The following TRAPPC11 variants were observed in gnomAD, a reference collection of about 807,000 sequenced individuals.
TRAPPC11 encodes the protein trafficking protein particle complex subunit 11, also known as foie gras homolog.
Under a neutral mutation model 151.2 loss-of-function variants are expected in TRAPPC11, and 104 were observed. The observed-to-expected ratio is 0.69, with a 90% CI of 0.59 to 0.81. The LOEUF is 0.81. Ranked by LOEUF, TRAPPC11 falls within the 30% of genes least tolerant of loss-of-function variation. TRAPPC11 has a pLI of 0.00. For missense variants in TRAPPC11, 1,230 were observed against 1,349.6 expected, an observed-to-expected ratio of 0.91 and a Z score of 1.39; for synonymous variants, 456 against 472.3, an observed-to-expected ratio of 0.97 and a Z score of 0.45.
At chr4:183,679,030 G>A (rs907584219) in intron 8 of TRAPPC11, among the ~76,000 whole-genome samples, 6 of 152,098 alleles carry the variant, frequency 3.9e-5, no homozygotes, top group African/African-American at 1.4e-4. Context: ...TCAATTACCT[G>A]TTGGACATAG....
chr4:183,689,647 T>TC (rs11430507), intron 18 of TRAPPC11, among the ~76,000 whole-genome samples: 33,952 of 146,528 alleles, frequency 0.23, 3,993 homozygotes, highest in African/African-American at 0.29. Flanking sequence ...TTTTTTTTTT[T>TC]AAAGAGATAC....
chr4:183,685,233 C>G, intron 16 of TRAPPC11, 38 bp from the exon 17 acceptor site: 1 of 1,609,432 alleles, frequency 6.2e-7, no homozygotes, highest in Non-Finnish European at 8.5e-7. Context: ...GGTTTTTATT[C>G]AACTAGTTGA....
At chr4:183,679,597 G>T in intron 9 of TRAPPC11, 111 bp downstream of exon 9, 1 of 813,780 alleles carries the variant, frequency 1.2e-6, no homozygotes, top group Non-Finnish European at 1.9e-6. Flanking sequence ...CACTAAGTAG[G>T]TTTTTGATGA....
chr4:183,675,830 T>TA (rs1217216124), intron 7 of TRAPPC11: 1 of 152,208 alleles, frequency 6.6e-6, no homozygotes, highest in Non-Finnish European at 1.5e-5. Context: ...AGTCTCTGCT[T>TA]AGAGCCTTGA....
chr4:183,679,707 A>G (rs552135916), intron 9 of TRAPPC11, among the ~76,000 whole-genome samples: 6 of 152,304 alleles, frequency 3.9e-5, no homozygotes, highest in South Asian at 2.1e-4. Flanking sequence ...TTCATTCAGC[A>G]TATATTTATT....
chr4:183,662,016 G>A (rs915036903), intron 1 of TRAPPC11, among the ~76,000 whole-genome samples: 12 of 151,838 alleles, frequency 7.9e-5, no homozygotes, highest in African/African-American at 2.9e-4. Flanking sequence ...CTCTGGCCTT[G>A]TCCTCCAAAA....
intron 15 of TRAPPC11, 73 bp downstream of exon 15, chr4:183,684,914 A>G: frequency 6.8e-7 from 1 of 1,460,170 alleles, no homozygotes; most frequent in South Asian, 1.2e-5. Context: ...TTTAAAATTT[A>G]AAGAATAATT....
chr4:183,659,515 A>G (rs1051148562), intron 1 of TRAPPC11, 68 bp downstream of exon 1: 4 of 152,522 alleles, frequency 2.6e-5, no homozygotes, highest in African/African-American at 7.2e-5. Flanking sequence ...GCTCTTAACA[A>G]TGCTGGTTTG....
chr4:183,690,351 T>A (rs1200201957), intron 18 of TRAPPC11, among the ~76,000 whole-genome samples: 1 of 152,194 alleles, frequency 6.6e-6, no homozygotes, highest in Non-Finnish European at 1.5e-5. Context: ...AGAAGATGGC[T>A]CTTGGAAAGG....
rs374220403 is a variant in TRAPPC11, at chr4:183,710,412, G to A, written c.3357+1838G>A. On this transcript the variant is annotated intron_variant, in intron 29 of 29. Coordinates refer to ENST00000334690, the MANE Select transcript of TRAPPC11 (RefSeq NM_021942.6). ...CGCCATTCTCCTGCCTCAGCCTCCC[G>A]AGTAGCTGGGACTACAAGCGCCTGC... Among the ~76,000 whole-genome samples, 33 of 151,546 alleles carry A rather than the reference G, an allele frequency of 2.2e-4. 1 individual carries two copies. The South Asian group carries it at 5.8e-3, about 27-fold the overall frequency.
At chr4:183,709,044 A>G (rs1447925055) in intron 29 of TRAPPC11, among the ~76,000 whole-genome samples, 1 of 152,066 alleles carries the variant, frequency 6.6e-6, no homozygotes, top group Non-Finnish European at 1.5e-5. Context: ...AAGAATACAT[A>G]CGATGGGCAG....
chr4:183,674,455 GT>G (rs1247320679), intron 5 of TRAPPC11, among the ~76,000 whole-genome samples: 6 of 145,536 alleles, frequency 4.1e-5, no homozygotes, highest in African/African-American at 1.3e-4. Flanking sequence ...AGATTACCAA[GT>G]TTTTATGAAT....
chr4:183,684,055 G>GT lies in TRAPPC11; in HGVS notation c.1287+2dup. 1 of 1,613,476 alleles carries GT rather than the reference G, an allele frequency of 6.2e-7. No homozygotes were observed. Among genetic ancestry groups the GT allele is most frequent in the Non-Finnish European group, 8.5e-7 (1 of 1,179,484 alleles). On this transcript the variant is annotated splice_donor_variant, in intron 12 of 29. Coordinates refer to ENST00000334690, the MANE Select transcript of TRAPPC11 (RefSeq NM_021942.6). LOFTEE classifies it high-confidence loss of function. Reference sequence around the variant, plus strand: ...GAAGGAGAGAAATGTTGTTCACTCTGTAAGTTTTGTGTCCAATATAAACTA... The same window carrying GT: ...GAAGGAGAGAAATGTTGTTCACTCTGTTAAGTTTTGTGTCCAATATAAACTA...
rs62617790 is a variant in TRAPPC11 at position 183,697,783 on chromosome 4, G to C, written c.2799G>C (p.Gln933His). 200,644 of 1,613,842 alleles carry C rather than the reference G, an allele frequency of 0.12. 14,189 individuals carry two copies. The highest frequency in any genetic ancestry group is 0.27 in the East Asian group (11,929 of 44,860). ...WALTIVSSEL[Q>H]LAPSMTTVDQ... The stretch of plus-strand genomic sequence containing the variant: ...TCACTATTGTTTCCAGTGAGCTCCA[G>C]CTTGCTCCATCCATGACCACAGTGG... Residue 933 changes from glutamine (Q) to histidine (H), a missense_variant, in exon 25 of 30, where the codon CAG (glutamine) becomes CAC (histidine). Coordinates refer to ENST00000334690, the MANE Select transcript of TRAPPC11 (RefSeq NM_021942.6).
rs191687588 is a variant in TRAPPC11 at position 183,679,167 on chromosome 4, G to A, written c.832-186G>A. Among the ~76,000 whole-genome samples the A allele has an allele frequency of 9.1e-4, 138 of 152,250 alleles. 1 individual carries two copies. The highest frequency in any genetic ancestry group is 3.2e-3 in the African/African-American group (133 of 41,548). ...GAGTTATTTTATTTCATTTCTAAAA[G>A]GGATATATAACCTTTGGTTTTAGCA... On this transcript the variant is annotated intron_variant, in intron 8 of 29. Transcript: ENST00000334690.
chr4:183,703,852 A>G (rs1736915554), intron 26 of TRAPPC11, among the ~76,000 whole-genome samples: 2 of 152,230 alleles, frequency 1.3e-5, no homozygotes, highest in African/African-American at 4.8e-5. Flanking sequence ...ATGTTACTTC[A>G]GCTCCATAAA....
intron 5 of TRAPPC11, among the ~76,000 whole-genome samples, chr4:183,671,210 A>T (rs1012788796): frequency 6.6e-6 from 1 of 152,184 alleles, no homozygotes; most frequent in Non-Finnish European, 1.5e-5. Context: ...TGAAGCAAAG[A>T]ATTTCCATGG....
chr4:183,708,593 C>A lies in TRAPPC11; in HGVS notation c.3357+19C>A. On this transcript the variant is annotated intron_variant, in intron 29 of 29. Coordinates refer to ENST00000334690, the MANE Select transcript of TRAPPC11 (RefSeq NM_021942.6). ...TGTCAAGGTAAAGCTTAGCAATTTTCTGCTTTTTAAATTCAAAGTCTTAAA... is the reference window on the plus strand; with the variant it reads ...TGTCAAGGTAAAGCTTAGCAATTTTATGCTTTTTAAATTCAAAGTCTTAAA... 2.5e-6 allele frequency: 4 copies of A among 1,606,968 alleles called. No homozygotes were observed. The highest frequency in any genetic ancestry group is 3.4e-6 in the Non-Finnish European group (4 of 1,177,776).
intron 17 of TRAPPC11, 71 bp downstream of exon 17, chr4:183,685,474 A>G: frequency 6.7e-7 from 1 of 1,486,756 alleles, no homozygotes; most frequent in Non-Finnish European, 9.2e-7. Context: ...TAGGTGCAGA[A>G]TAATAAATAT....
Sources: allele counts gnomAD v4.1 joint callset (sites outside exome capture counted in the v4.1 genomes callset), GRCh38; gene constraint gnomAD v4.1.1; transcripts MANE v1.5; gene names NCBI Gene and HGNC (gene_info 2026-07-23, HGNC 2026-07-21).